MITF: variants seen among roughly 807,000 people sequenced by gnomAD.
MITF encodes the protein melanocyte inducing transcription factor.
MITF carries 17 observed loss-of-function variants against 60.5 expected under a neutral mutation model. The observed-to-expected ratio is 0.28, with a 90% CI of 0.19 to 0.42. MITF has a LOEUF of 0.42. Ranked by LOEUF, MITF falls within the 10% of genes least tolerant of loss-of-function variation. The pLI, the probability that MITF is intolerant of heterozygous loss-of-function variation, is 1.00. For synonymous variants in MITF, 260 were observed against 248.5 expected (o/e 1.05, Z -0.43); for missense variants, 622 against 683.5 (o/e 0.91, Z 1.00).
chr3:69,754,625 C>CT (rs112128068), intron 1 of MITF, among the ~76,000 whole-genome samples: 3,928 of 144,350 alleles, frequency 0.027, 120 homozygotes, highest in African/African-American at 0.079. Flanking sequence ...TTACATCTCT[C>CT]TTTTTTTTTT....
At chr3:69,817,579 A>T (rs2107028507) in intron 1 of MITF, among the ~76,000 whole-genome samples, 1 of 152,202 alleles carries the variant, frequency 6.6e-6, no homozygotes, top group East Asian at 1.9e-4. Flanking sequence ...GAAAACAATT[A>T]TTTTCTGAGA....
intron 1 of MITF, among the ~76,000 whole-genome samples, chr3:69,833,791 C>A (rs2063494274): frequency 6.6e-6 from 1 of 152,226 alleles, no homozygotes; most frequent in African/African-American, 2.4e-5. Context: ...GGTTGCTTCC[C>A]TGTTTACACT....
intron 1 of MITF, among the ~76,000 whole-genome samples, chr3:69,775,027 T>C (rs936661700): frequency 2.0e-5 from 3 of 152,204 alleles, no homozygotes; most frequent in African/African-American, 7.2e-5. Context: ...CTGCCATTCT[T>C]CTGTTTTCTT....
intron 1 of MITF, among the ~76,000 whole-genome samples, chr3:69,758,534 T>C (rs1288431874): frequency 6.6e-6 from 1 of 152,208 alleles, no homozygotes; most frequent in East Asian, 1.9e-4. Flanking sequence ...TTTAAAAGGC[T>C]TTATTTTTAA....
chr3:69,838,939 T>A (rs970354789), intron 1 of MITF, among the ~76,000 whole-genome samples: 10 of 152,214 alleles, frequency 6.6e-5, no homozygotes, highest in African/African-American at 2.4e-4. Flanking sequence ...CAGCCCTTCA[T>A]GAACCTTTCT....
intron 1 of MITF, among the ~76,000 whole-genome samples, chr3:69,799,843 C>T (rs1280411649): frequency 1.3e-5 from 2 of 152,144 alleles, no homozygotes; most frequent in East Asian, 1.9e-4. Context: ...GAAACCTATA[C>T]TGGGACCACT....
At chr3:69,750,471 CT>C (rs199909971) in intron 1 of MITF, among the ~76,000 whole-genome samples, 8,973 of 123,738 alleles carry the variant, frequency 0.073, 387 homozygotes, top group Admixed American at 0.14. Flanking sequence ...AGTGACACTC[CT>C]TTTTTTTTTT....
chr3:69,819,966 A>AAAAC (rs747732841), intron 1 of MITF, among the ~76,000 whole-genome samples: 3 of 152,160 alleles, frequency 2.0e-5, no homozygotes, highest in Non-Finnish European at 2.9e-5. Context: ...TCTGTCTCAA[A>AAAAC]AAACAAACAA....
At chr3:69,955,134 C>T (rs2066363696) in intron 7 of MITF, among the ~76,000 whole-genome samples, 1 of 152,116 alleles carries the variant, frequency 6.6e-6, no homozygotes, top group Admixed American at 6.6e-5. Flanking sequence ...AAATGCTAGA[C>T]TTCAGTTCTA....
chr3:69,797,137 C>A (rs1207282846), intron 1 of MITF, among the ~76,000 whole-genome samples: 1 of 152,120 alleles, frequency 6.6e-6, no homozygotes, highest in Non-Finnish European at 1.5e-5. Context: ...TAATTCGCTC[C>A]CTTCAAGCCA....
At chr3:69,810,775 C>G (rs970628162) in intron 1 of MITF, among the ~76,000 whole-genome samples, 12 of 152,142 alleles carry the variant, frequency 7.9e-5, no homozygotes, top group African/African-American at 2.7e-4. Flanking sequence ...CTGCAGTGTA[C>G]ATGGGACTGG....
chr3:69,957,672 T>G (rs1056702823), intron 8 of MITF, among the ~76,000 whole-genome samples: 5 of 152,246 alleles, frequency 3.3e-5, no homozygotes, highest in Non-Finnish European at 7.3e-5. Context: ...CAGCTTTCAC[T>G]TTTTAGCATA....
intron 1 of MITF, among the ~76,000 whole-genome samples, chr3:69,774,057 G>C (rs772728574): frequency 6.6e-6 from 1 of 152,176 alleles, no homozygotes; most frequent in Non-Finnish European, 1.5e-5. Context: ...AGAAAAGAGG[G>C]CCAGAAGCCA....
chr3:69,880,263 A>C (rs1400613671), intron 2 of MITF, among the ~76,000 whole-genome samples: 1 of 152,174 alleles, frequency 6.6e-6, no homozygotes, highest in South Asian at 2.1e-4. Context: ...GCATTCATCC[A>C]TGTGCACAGA....
At chr3:69,796,584 G>A (rs2062834385) in intron 1 of MITF, among the ~76,000 whole-genome samples, 1 of 136,400 alleles carries the variant, frequency 7.3e-6, no homozygotes, top group African/African-American at 2.8e-5. Flanking sequence ...TCGGCTCACT[G>A]CAAGCTCCGC....
At chr3:69,795,829 C>A (rs904974964) in intron 1 of MITF, among the ~76,000 whole-genome samples, 3 of 152,036 alleles carry the variant, frequency 2.0e-5, no homozygotes, top group African/African-American at 7.2e-5. Flanking sequence ...TTCAAAGGCA[C>A]GTATTTAAAA....
chr3:69,925,581 ATC>A (rs532964782), intron 2 of MITF, among the ~76,000 whole-genome samples: 205 of 152,354 alleles, frequency 1.3e-3, no homozygotes, highest in African/African-American at 4.7e-3. Context: ...TTATTAAAAC[ATC>A]TCAATGGCTT....
rs900378168 is a variant in MITF, at chr3:69,871,978, G to A, written c.105-7156G>A. On this transcript the variant is annotated intron_variant, in intron 1 of 9. Coordinates refer to ENST00000352241, the MANE Select transcript of MITF (RefSeq NM_001354604.2). ...AAAGCCCTTTAAAACATGGCAGTTA[G>A]ATGTGAATGGGATTCCACAGTTGGA... Among the ~76,000 whole-genome samples the A allele has an allele frequency of 4.6e-5, 7 of 152,308 alleles. No homozygotes were observed. In the East Asian group the frequency reaches 1.4e-3, roughly 29 times the overall value.
chr3:69,959,291 G>A lies in MITF; in HGVS notation c.1050G>A (p.Lys350=), dbSNP rs201348324. Residue 350 remains lysine, a synonymous_variant, in exon 9 of 10, where the codon AAG becomes AAA. Transcript: ENST00000352241. The part of the protein sequence containing the change: ...KSNDPDMRWN[K]GTILKASVDY... ...ATCGCAGAGACATGCGCTGGAACAA[G>A]GGAACCATCTTAAAAGCATCCGTGG... The A allele has an allele frequency of 1.7e-5, 28 of 1,614,092 alleles. No homozygotes were observed. The highest frequency in any genetic ancestry group is 1.6e-4 in the South Asian group (15 of 91,088).
Sources: allele counts gnomAD v4.1 joint callset (sites outside exome capture counted in the v4.1 genomes callset), GRCh38; gene constraint gnomAD v4.1.1; transcripts MANE v1.5; gene names NCBI Gene and HGNC (gene_info 2026-07-23, HGNC 2026-07-21).